DENND4C: variants seen among roughly 807,000 people sequenced by gnomAD.
The protein encoded by DENND4C is DENN domain-containing protein 4C.
Under a neutral mutation model 203.0 loss-of-function variants are expected in DENND4C, and 108 were observed. The observed-to-expected ratio is 0.53, with a 90% CI of 0.46 to 0.62. The LOEUF is 0.62. DENND4C is among the 20% of genes least tolerant of loss of function. The pLI, the probability that DENND4C is intolerant of heterozygous loss-of-function variation, is 0.00. For synonymous variants in DENND4C, 871 were observed against 792.4 expected (o/e 1.10, Z -1.67); for missense variants, 2,481 against 2,301.2 (o/e 1.08, Z -1.60).
At chr9:19,320,329 G>A (rs1842672171) in intron 12 of DENND4C, among the ~76,000 whole-genome samples, 1 of 151,918 alleles carries the variant, frequency 6.6e-6, no homozygotes, top group Non-Finnish European at 1.5e-5. Context: ...CTCCCTAATA[G>A]CTGGGATTAC....
At chr9:19,284,842 A>G (rs1834866239) in intron 2 of DENND4C, among the ~76,000 whole-genome samples, 1 of 152,012 alleles carries the variant, frequency 6.6e-6, no homozygotes, top group Non-Finnish European at 1.5e-5. Context: ...TCTTCAGTCA[A>G]CTTGTCTTTT....
At chr9:19,233,295 G>A (rs1213150598) in intron 1 of DENND4C, among the ~76,000 whole-genome samples, 1 of 152,164 alleles carries the variant, frequency 6.6e-6, no homozygotes, top group African/African-American at 2.4e-5. Flanking sequence ...TAGATTGTCA[G>A]TTTGACAGAC....
chr9:19,367,095 G>A (rs1051760183), intron 30 of DENND4C, among the ~76,000 whole-genome samples: 1 of 152,172 alleles, frequency 6.6e-6, no homozygotes, highest in Non-Finnish European at 1.5e-5. Context: ...CATGAAAAAT[G>A]CTCAACAGCA....
chr9:19,299,359 G>C, intron 8 of DENND4C, 72 bp downstream of exon 8: 1 of 1,033,436 alleles, frequency 9.7e-7, no homozygotes, highest in Middle Eastern at 3.1e-4. Flanking sequence ...TTAGTGATTA[G>C]TATATTATTA....
intron 1 of DENND4C, among the ~76,000 whole-genome samples, chr9:19,274,020 A>T (rs983664971): frequency 6.6e-6 from 1 of 152,058 alleles, no homozygotes; most frequent in African/African-American, 2.4e-5. Flanking sequence ...CCATTAATAT[A>T]GGTGAATGGA....
intron 1 of DENND4C, among the ~76,000 whole-genome samples, chr9:19,253,350 T>C (rs745657496): frequency 2.0e-5 from 3 of 152,212 alleles, no homozygotes; most frequent in Non-Finnish European, 4.4e-5. Context: ...GCATTTGTTA[T>C]TTGCATCCCT....
intron 9 of DENND4C, among the ~76,000 whole-genome samples, chr9:19,302,815 T>A (rs1432794959): frequency 6.6e-6 from 1 of 152,208 alleles, no homozygotes; most frequent in Non-Finnish European, 1.5e-5. Context: ...GCCTCTGCCC[T>A]AGCTGTTCCT....
chr9:19,339,901 T>C (rs1219940519), intron 20 of DENND4C, among the ~76,000 whole-genome samples: 1 of 152,210 alleles, frequency 6.6e-6, no homozygotes, highest in Non-Finnish European at 1.5e-5. Context: ...GTACTCCTGT[T>C]TTATTCATTG....
At chr9:19,233,989 A>T (rs890706558) in intron 1 of DENND4C, among the ~76,000 whole-genome samples, 1 of 152,188 alleles carries the variant, frequency 6.6e-6, no homozygotes, top group Non-Finnish European at 1.5e-5. Flanking sequence ...CTGTACTCTA[A>T]TGCTGTTATA....
chr9:19,319,362 A>C lies in DENND4C; in HGVS notation c.1807+2523A>C, dbSNP rs1024339350. On this transcript the variant is annotated intron_variant, in intron 12 of 32. Coordinates refer to ENST00000434457, the MANE Select transcript of DENND4C (RefSeq NM_001330640.2). ...CACATATATATATACTTATATATACACACATATATATACACATACATATAT... is the reference window on the plus strand; with the variant it reads ...CACATATATATATACTTATATATACCCACATATATATACACATACATATAT... Among the ~76,000 whole-genome samples, 10 of 141,574 alleles carry C rather than the reference A, an allele frequency of 7.1e-5. 1 individual carries two copies. Among genetic ancestry groups the C allele is most frequent in the African/African-American group, 2.7e-4 (10 of 36,972 alleles). 92.9% of individuals were successfully genotyped at this position (141,574 alleles called of 152,430 possible).
intron 20 of DENND4C, among the ~76,000 whole-genome samples, chr9:19,338,547 A>G (rs752980738): frequency 2.6e-5 from 4 of 152,198 alleles, no homozygotes; most frequent in Non-Finnish European, 5.9e-5. Flanking sequence ...GTGTCTCTGT[A>G]GAACTTCTGG....
At chr9:19,292,568 G>A (rs1185452286) in intron 5 of DENND4C, 2 of 140,086 alleles carry the variant, frequency 1.4e-5, no homozygotes, top group Non-Finnish European at 3.0e-5. Flanking sequence ...TTTTTGAGAC[G>A]AAACCTCACT....
intron 11 of DENND4C, 33 bp from the exon 12 acceptor site, chr9:19,316,588 A>G: frequency 6.2e-7 from 1 of 1,606,254 alleles, no homozygotes; most frequent in Non-Finnish European, 8.5e-7. Context: ...AATTTAACAT[A>G]ATACCATTTT....
At position 19,346,656 on chromosome 9, in the gene DENND4C, G is replaced by A. The variant is rs1179199603; in HGVS notation, c.3887G>A (p.Gly1296Asp). Residue 1296 changes from glycine (G) to aspartate (D), a missense_variant, in exon 23 of 33, where the codon GGT becomes GAT. Physicochemically the swap from Gly to Asp is moderately conservative, Grantham distance 94. Coordinates refer to ENST00000434457, the MANE Select transcript of DENND4C (RefSeq NM_001330640.2). ...TATATGAACCTAAAAAGTCCCCTAGGTAGTAAATCTTCTAGTATGGAATTA... is the reference window on the plus strand; with the variant it reads ...TATATGAACCTAAAAAGTCCCCTAGATAGTAAATCTTCTAGTATGGAATTA... Reference protein sequence around the residue: ...ESYMNLKSPLGSKSSSMELHR... With the variant: ...ESYMNLKSPLDSKSSSMELHR... 1.2e-6 allele frequency: 2 copies of A among 1,614,138 alleles called. No homozygotes were observed. The highest frequency in any genetic ancestry group is 2.2e-5 in the South Asian group (2 of 91,086).
At chr9:19,273,100 C>T (rs371921713) in intron 1 of DENND4C, among the ~76,000 whole-genome samples, 11 of 151,904 alleles carry the variant, frequency 7.2e-5, no homozygotes, top group East Asian at 1.9e-4. Flanking sequence ...AGGCACCCGC[C>T]GCCACCATGC....
At chr9:19,231,829 G>T (rs147830314) in intron 1 of DENND4C, among the ~76,000 whole-genome samples, 2 of 151,446 alleles carry the variant, frequency 1.3e-5, no homozygotes, top group African/African-American at 4.8e-5. Flanking sequence ...CTGCTTAATT[G>T]TGTGCAAACC....
At chr9:19,334,630 A>G (rs543284666) in intron 17 of DENND4C, among the ~76,000 whole-genome samples, 1 of 149,684 alleles carries the variant, frequency 6.7e-6, no homozygotes, top group South Asian at 2.1e-4. Context: ...GCTTCAAGCG[A>G]TTCTCGTGCC....
intron 2 of DENND4C, among the ~76,000 whole-genome samples, chr9:19,284,833 C>T (rs116431436): frequency 2.0e-5 from 3 of 151,958 alleles, no homozygotes; most frequent in African/African-American, 4.8e-5. Flanking sequence ...CAAGTATTTT[C>T]TTCAGTCAAC....
chr9:19,259,328 C>T (rs1009079920), intron 1 of DENND4C, among the ~76,000 whole-genome samples: 8 of 151,996 alleles, frequency 5.3e-5, no homozygotes, highest in African/African-American at 1.9e-4. Flanking sequence ...GTTGTAGCTC[C>T]CACAAATGAG....
Sources: allele counts gnomAD v4.1 joint callset (sites outside exome capture counted in the v4.1 genomes callset), GRCh38; gene constraint gnomAD v4.1.1; transcripts MANE v1.5; gene names NCBI Gene and HGNC (gene_info 2026-07-23, HGNC 2026-07-21).